The following ZNF248 variants were observed in gnomAD, a reference collection of about 807,000 sequenced individuals.
The protein encoded by ZNF248 is zinc finger protein 248.
Under a neutral mutation model 44.3 loss-of-function variants are expected in ZNF248, and 20 were observed. The ratio of observed to expected loss-of-function variants is 0.45; its 90% confidence interval spans 0.32 to 0.66. ZNF248 has a LOEUF of 0.66. Ranked by LOEUF, ZNF248 falls within the 30% of genes least tolerant of loss-of-function variation. The pLI is 0.04. For missense variants in ZNF248, 654 were observed against 677.0 expected, an observed-to-expected ratio of 0.97 and a Z score of 0.38; for synonymous variants, 224 against 229.0, an observed-to-expected ratio of 0.98 and a Z score of 0.20.
At chr10:37,779,542 A>G (rs2047027616) in intron 6 of ZNF248, among the ~76,000 whole-genome samples, 1 of 151,782 alleles carries the variant, frequency 6.6e-6, no homozygotes, top group Admixed American at 6.6e-5. Flanking sequence ...TCTATGACAA[A>G]CCCACAGCCA....
At position 37,820,786 on chromosome 10, in the gene ZNF248, T is replaced by G. The variant is rs1268730125; in HGVS notation, c.330+12239A>C. The G allele has an allele frequency of 3.4e-6, 4 of 1,163,992 alleles. No homozygotes were observed. The African/African-American group carries it at 6.1e-5, about 18-fold the overall frequency. 72.1% of individuals were successfully genotyped at this position (1,163,992 alleles called of 1,614,324 possible). A position where few individuals can be genotyped will look rare whatever the true frequency, so the allele number is the denominator to read the frequency against. On this transcript the variant is annotated intron_variant, in intron 6 of 6. Coordinates refer to the ZNF248 transcript ENST00000615949. ...GTCCCTTTTGTTAAATCTGATGTAC[T>G]CTCCTTCATTTTGCCTTTTGTTTCC...
intron 6 of ZNF248, among the ~76,000 whole-genome samples, chr10:37,792,455 CAAGGG>C (rs2133088823): frequency 6.6e-6 from 1 of 152,278 alleles, no homozygotes; most frequent in African/African-American, 2.4e-5. Flanking sequence ...ATCCCCACTC[CAAGGG>C]GTGAAGCTTA....
chr10:37,761,950 C>G, the ZNF248 span, among the ~76,000 whole-genome samples: 5 of 152,142 alleles, frequency 3.3e-5, no homozygotes, highest in Non-Finnish European at 7.3e-5. Context: ...CAGATCTTAC[C>G]TCAAGACCAA....
chr10:37,779,604 C>A (rs1404668501), intron 6 of ZNF248, among the ~76,000 whole-genome samples: 2 of 151,976 alleles, frequency 1.3e-5, no homozygotes, highest in African/African-American at 4.8e-5. Flanking sequence ...AAAACTGGCA[C>A]AAGACAGGGA....
At chr10:37,780,871 G>A (rs2047223939) in intron 6 of ZNF248, among the ~76,000 whole-genome samples, 1 of 152,178 alleles carries the variant, frequency 6.6e-6, no homozygotes, top group Non-Finnish European at 1.5e-5. Context: ...CCGGAGTGGT[G>A]TATAGAGCTG....
intron 3 of ZNF248, among the ~76,000 whole-genome samples, chr10:37,839,298 G>A (rs2057858413): frequency 6.6e-6 from 1 of 152,158 alleles, no homozygotes. Flanking sequence ...GAATTTCGCT[G>A]ATTTTGCTTT....
chr10:37,815,065 T>C (rs1187888797), intron 6 of ZNF248, among the ~76,000 whole-genome samples: 2 of 152,202 alleles, frequency 1.3e-5, no homozygotes, highest in Non-Finnish European at 2.9e-5. Flanking sequence ...TTCTTCATTT[T>C]TTTTTCAGAC....
intron 6 of ZNF248, among the ~76,000 whole-genome samples, chr10:37,780,600 C>G: frequency 6.6e-6 from 1 of 152,238 alleles, no homozygotes; most frequent in East Asian, 1.9e-4. Flanking sequence ...TCGTCCCACG[C>G]AGGTCCATCC....
the ZNF248 span, among the ~76,000 whole-genome samples, chr10:37,771,230 T>C: frequency 1.3e-5 from 2 of 152,198 alleles, no homozygotes; most frequent in African/African-American, 4.8e-5. Context: ...CTCAGGGATC[T>C]AGAACTAGAA....
intron 3 of ZNF248, among the ~76,000 whole-genome samples, chr10:37,854,993 A>G (rs1045830662): frequency 6.6e-6 from 1 of 152,252 alleles, no homozygotes; most frequent in African/African-American, 2.4e-5. Context: ...CAGAACCTGC[A>G]TGTTAAAAAG....
the ZNF248 span, among the ~76,000 whole-genome samples, chr10:37,765,924 C>T: frequency 2.0e-5 from 3 of 152,234 alleles, no homozygotes; most frequent in Admixed American, 6.5e-5. Context: ...CTGCACTTTT[C>T]CAACGGGCTT....
At chr10:37,855,703 G>C (rs188801670) in intron 3 of ZNF248, among the ~76,000 whole-genome samples, 2 of 152,356 alleles carry the variant, frequency 1.3e-5, no homozygotes, top group East Asian at 3.9e-4. Flanking sequence ...ACATGCACTA[G>C]CCTTGACTAT....
chr10:37,768,761 T>C, the ZNF248 span, among the ~76,000 whole-genome samples: 9,118 of 152,076 alleles, frequency 0.06, 353 homozygotes, highest in Middle Eastern at 0.095. Flanking sequence ...AGGCAAGAAT[T>C]AACTAAAATC....
At chr10:37,775,725 T>C (rs2046534583), downstream of ZNF248, among the ~76,000 whole-genome samples, 1 of 152,218 alleles carries the variant, frequency 6.6e-6, no homozygotes, top group Non-Finnish European at 1.5e-5. Context: ...TCACCTGCCA[T>C]GTTCACTCCT....
chr10:37,797,982 A>G (rs1016249938), intron 6 of ZNF248, among the ~76,000 whole-genome samples: 2 of 152,162 alleles, frequency 1.3e-5, no homozygotes, highest in East Asian at 1.9e-4. Context: ...AATTAAAACC[A>G]TATTTTCATG....
At chr10:37,825,061 T>C (rs1024576756), downstream of ZNF248, among the ~76,000 whole-genome samples, 3 of 151,704 alleles carry the variant, frequency 2.0e-5, no homozygotes, top group Non-Finnish European at 4.4e-5. Context: ...TTAAAGTATA[T>C]CTCCCAGAAA....
At chr10:37,824,651 C>T (rs745311032), downstream of ZNF248, among the ~76,000 whole-genome samples, 1 of 131,890 alleles carries the variant, frequency 7.6e-6, no homozygotes, top group African/African-American at 2.9e-5. Context: ...ATACCAATTG[C>T]AGAGGCAAAA....
intron 6 of ZNF248, among the ~76,000 whole-genome samples, chr10:37,808,849 T>C (rs2051018553): frequency 6.6e-6 from 1 of 151,536 alleles, no homozygotes; most frequent in Non-Finnish European, 1.5e-5. Context: ...AGGCATCACG[T>C]CTGGGGCATT....
Position 37,835,554 on chromosome 10 carries a change from G to A in ZNF248, c.238+2063C>T, listed in dbSNP as rs534000322. On this transcript the variant is annotated intron_variant, in intron 5 of 5. Transcript: ENST00000395867. ...AAAAGGGGTTGGCATATAACTGCACGGCAATGGCCCTTGAGCTAAGTATGT... is the reference window on the plus strand; with the variant it reads ...AAAAGGGGTTGGCATATAACTGCACAGCAATGGCCCTTGAGCTAAGTATGT... Among the ~76,000 whole-genome samples, 22 of 152,298 alleles carry A rather than the reference G, an allele frequency of 1.4e-4. No individual in the cohort carries two copies. The South Asian group carries it at 2.5e-3, about 17-fold the overall frequency.
Sources: allele counts gnomAD v4.1 joint callset (sites outside exome capture counted in the v4.1 genomes callset), GRCh38; gene constraint gnomAD v4.1.1; transcripts MANE v1.5; gene names NCBI Gene and HGNC (gene_info 2026-07-23, HGNC 2026-07-21).